Variants in PKP4 observed in about 807,000 individuals in gnomAD.
The protein encoded by PKP4 is plakophilin-4.
PKP4 carries 90 observed loss-of-function variants against 145.1 expected under a neutral mutation model. The ratio of observed to expected loss-of-function variants is 0.62; its 90% CI spans 0.52 to 0.74. The LOEUF is 0.74. Among genes scored for constraint, PKP4 ranks in the 30% least tolerant of loss-of-function variants. The pLI is 0.00. For missense variants in PKP4, 1,340 were observed against 1,482.7 expected (o/e 0.90, Z 1.58); for synonymous variants, 563 against 577.2 (o/e 0.98, Z 0.35).
intron 1 of PKP4, among the ~76,000 whole-genome samples, chr2:158,472,728 A>G (rs955239216): frequency 6.6e-6 from 1 of 152,106 alleles, no homozygotes; most frequent in African/African-American, 2.4e-5. Flanking sequence ...CTGCATACTC[A>G]TTGCAACCTA....
chr2:158,493,764 G>C (rs1445005093), intron 1 of PKP4, among the ~76,000 whole-genome samples: 1 of 152,152 alleles, frequency 6.6e-6, no homozygotes, highest in Admixed American at 6.5e-5. Flanking sequence ...CTGCTCACTT[G>C]GCAACATGCT....
At chr2:158,547,281 T>A (rs2045153682) in intron 2 of PKP4, among the ~76,000 whole-genome samples, 1 of 152,188 alleles carries the variant, frequency 6.6e-6, no homozygotes, top group African/African-American at 2.4e-5. Flanking sequence ...CACTTAATTA[T>A]CTGTCACTGG....
At chr2:158,567,021 T>C (rs2047043476) in intron 2 of PKP4, among the ~76,000 whole-genome samples, 1 of 152,192 alleles carries the variant, frequency 6.6e-6, no homozygotes, top group Non-Finnish European at 1.5e-5. Context: ...ACGTGATGTC[T>C]GAGAGATCAA....
intron 3 of PKP4, 99 bp from the exon 4 acceptor site, chr2:158,602,966 ATAATT>A: frequency 1.7e-6 from 1 of 588,156 alleles, no homozygotes; most frequent in East Asian, 3.2e-5. Flanking sequence ...GTGCTCTTGT[ATAATT>A]TAATGTGGAA....
In PKP4 at chr2:158,600,006, A is replaced by G. The variant is rs570353881; in HGVS notation, c.246-3064A>G. Among the ~76,000 whole-genome samples the G allele has an allele frequency of 1.2e-4, 19 of 152,352 alleles. No individual in the cohort carries two copies. The East Asian group carries it at 3.1e-3, about 25-fold the overall frequency. On this transcript the variant is annotated intron_variant, in intron 3 of 21. Transcript: ENST00000389759. ...GCCTCCATTTGCATCTGAATGAAAA[A>G]AATTAATTTCAGGAGTATGTAGAAT...
chr2:158,503,776 C>T (rs181116194), intron 1 of PKP4, among the ~76,000 whole-genome samples: 89 of 152,104 alleles, frequency 5.9e-4, no homozygotes, highest in South Asian at 3.7e-3. Context: ...GTTGTATTAC[C>T]TCATGATGTG....
chr2:158,573,983 C>T (rs1311888522), intron 2 of PKP4, among the ~76,000 whole-genome samples: 1 of 152,262 alleles, frequency 6.6e-6, no homozygotes, highest in Non-Finnish European at 1.5e-5. Flanking sequence ...GGACAGCCAG[C>T]CTTTCCTTGG....
chr2:158,631,561 T>TA (rs537254974), intron 7 of PKP4, among the ~76,000 whole-genome samples, 192 bp from the exon 8 acceptor site: 57 of 151,946 alleles, frequency 3.8e-4, no homozygotes, highest in African/African-American at 1.3e-3. Flanking sequence ...TTTTTTTTTT[T>TA]AATTATTTTT....
chr2:158,493,875 T>C (rs1445576506), intron 1 of PKP4, among the ~76,000 whole-genome samples: 4 of 152,160 alleles, frequency 2.6e-5, no homozygotes, highest in African/African-American at 9.7e-5. Flanking sequence ...TTCCCCACCC[T>C]TGTGGACCCC....
intron 8 of PKP4, 152 bp from the exon 9 acceptor site, chr2:158,633,918 G>A: frequency 3.6e-6 from 2 of 554,926 alleles, no homozygotes; most frequent in Admixed American, 3.3e-5. Context: ...ACCCTTTTTA[G>A]CACTAATAAG....
intron 1 of PKP4, among the ~76,000 whole-genome samples, chr2:158,492,724 T>G (rs550620306): frequency 6.6e-6 from 1 of 152,364 alleles, no homozygotes; most frequent in South Asian, 2.1e-4. Context: ...AAGTTCTGTT[T>G]CCAGCTGACC....
At chr2:158,472,022 A>G (rs1266806258) in intron 1 of PKP4, among the ~76,000 whole-genome samples, 3 of 152,224 alleles carry the variant, frequency 2.0e-5, no homozygotes, top group Non-Finnish European at 2.9e-5. Context: ...CTGAAAGTGA[A>G]TCAATAGGAA....
At chr2:158,471,754 A>G (rs1197077998) in intron 1 of PKP4, among the ~76,000 whole-genome samples, 1 of 152,248 alleles carries the variant, frequency 6.6e-6, no homozygotes, top group Admixed American at 6.5e-5. Context: ...TGAACTAAGC[A>G]TTATTTCAAA....
intron 2 of PKP4, among the ~76,000 whole-genome samples, chr2:158,565,494 T>C (rs1018134262): frequency 6.7e-6 from 1 of 149,032 alleles, no homozygotes; most frequent in African/African-American, 2.5e-5. Flanking sequence ...GAAGTAACAT[T>C]ACTTGTCTGC....
chr2:158,551,838 A>G (rs191174704), intron 2 of PKP4, among the ~76,000 whole-genome samples: 1 of 152,338 alleles, frequency 6.6e-6, no homozygotes, highest in East Asian at 1.9e-4. Context: ...AGCTTTTGCA[A>G]TATTAAGTAG....
At chr2:158,516,680 A>G (rs1235378988) in intron 1 of PKP4, among the ~76,000 whole-genome samples, 1 of 139,240 alleles carries the variant, frequency 7.2e-6, no homozygotes, top group Non-Finnish European at 1.6e-5. Flanking sequence ...TTTTTTTAAG[A>G]CAGAGTTCCG....
At chr2:158,474,818 T>C (rs930584996) in intron 1 of PKP4, among the ~76,000 whole-genome samples, 1 of 152,154 alleles carries the variant, frequency 6.6e-6, no homozygotes, top group South Asian at 2.1e-4. Flanking sequence ...TTTTTAAAAT[T>C]AGCATCAGGG....
At chr2:158,479,696 A>AG (rs923153768) in intron 1 of PKP4, among the ~76,000 whole-genome samples, 2 of 152,234 alleles carry the variant, frequency 1.3e-5, no homozygotes, top group African/African-American at 4.8e-5. Flanking sequence ...AACTGTATTA[A>AG]GGAAAAAAAA....
intron 1 of PKP4, among the ~76,000 whole-genome samples, chr2:158,486,610 A>G (rs980116240): frequency 3.3e-5 from 5 of 152,256 alleles, no homozygotes; most frequent in African/African-American, 9.6e-5. Flanking sequence ...CTACATTCCA[A>G]ATACAACTCT....
Sources: allele counts gnomAD v4.1 joint callset (sites outside exome capture counted in the v4.1 genomes callset), GRCh38; gene constraint gnomAD v4.1.1; transcripts MANE v1.5; gene names NCBI Gene and HGNC (gene_info 2026-07-23, HGNC 2026-07-21).